MYO16: variants seen among roughly 807,000 people sequenced by gnomAD.
The protein encoded by MYO16 is unconventional myosin-XVI.
A neutral mutation model predicts 205.3 loss-of-function variants in MYO16; 94 were observed. The observed-to-expected ratio is 0.46, with a 90% CI of 0.39 to 0.54. The LOEUF is 0.54. Among genes scored for constraint, MYO16 ranks in the 20% least tolerant of loss-of-function variants. The pLI, the probability that MYO16 is intolerant of heterozygous loss-of-function variation, is 0.00. For synonymous variants in MYO16, 988 were observed against 954.0 expected (o/e 1.04, Z -0.66); for missense variants, 2,315 against 2,387.5 (o/e 0.97, Z 0.63).
chr13:109,139,719 CT>C (rs1876947863), intron 31 of MYO16, among the ~76,000 whole-genome samples: 1 of 152,152 alleles, frequency 6.6e-6, no homozygotes, highest in Admixed American at 6.5e-5. Context: ...GGGAACGTGA[CT>C]GGGGTTACAT....
chr13:108,962,299 T>C, intron 18 of MYO16, 125 bp from the exon 19 acceptor site: 1 of 698,876 alleles, frequency 1.4e-6, no homozygotes, highest in Non-Finnish European at 2.4e-6. Context: ...TGGTAATGAC[T>C]TTTTAAAATA....
rs137981122 is a variant in MYO16, at chr13:109,168,088, A to C, written c.5323+3029A>C. Among the ~76,000 whole-genome samples the C allele has an allele frequency of 3.2e-3, 480 of 152,238 alleles. 1 individual carries two copies. The highest frequency in any genetic ancestry group is 0.014 in the Middle Eastern group (4 of 294). On this transcript the variant is annotated intron_variant, in intron 33 of 34. Coordinates refer to ENST00000457511, the MANE Select transcript of MYO16 (RefSeq NM_001198950.3). ...ATATTAGTGGGGTAGATAATATCCA[A>C]ACTAGTAAAGAGAGAAAAATAAAAT...
intron 23 of MYO16, among the ~76,000 whole-genome samples, chr13:109,022,453 A>C: frequency 8.4e-6 from 1 of 119,358 alleles, no homozygotes; most frequent in South Asian, 2.4e-4. Context: ...TTTATGTTAT[A>C]TATACAATAT....
chr13:108,588,779 C>T, the MYO16 span, among the ~76,000 whole-genome samples: 1 of 152,112 alleles, frequency 6.6e-6, no homozygotes, highest in Non-Finnish European at 1.5e-5. Flanking sequence ...TCATTTTCCT[C>T]AGGTTGCATG....
chr13:108,879,150 T>C (rs1012640054), intron 12 of MYO16, among the ~76,000 whole-genome samples: 5 of 152,212 alleles, frequency 3.3e-5, no homozygotes, highest in African/African-American at 1.2e-4. Flanking sequence ...CCAATTTGAC[T>C]TCTAACAGCA....
chr13:109,058,271 C>A (rs902409029), intron 27 of MYO16, among the ~76,000 whole-genome samples: 1 of 152,034 alleles, frequency 6.6e-6, no homozygotes, highest in African/African-American at 2.4e-5. Flanking sequence ...GTGATCAAAG[C>A]AAACTTGTGG....
intron 10 of MYO16, among the ~76,000 whole-genome samples, chr13:108,855,031 A>G (rs1878094136): frequency 6.6e-6 from 1 of 152,216 alleles, no homozygotes; most frequent in Non-Finnish European, 1.5e-5. Flanking sequence ...CAATGGTAAC[A>G]TGAAAAGTTT....
At chr13:108,849,134 T>C (rs1877682150) in intron 10 of MYO16, among the ~76,000 whole-genome samples, 1 of 152,148 alleles carries the variant, frequency 6.6e-6, no homozygotes, top group African/African-American at 2.4e-5. Flanking sequence ...TGATCACCCT[T>C]TCCTAATCTG....
chr13:108,822,324 T>C (rs1225637900), intron 8 of MYO16, among the ~76,000 whole-genome samples: 1 of 152,198 alleles, frequency 6.6e-6, no homozygotes, highest in Non-Finnish European at 1.5e-5. Context: ...AAATATCTTC[T>C]TGTGGCAGCT....
intron 27 of MYO16, among the ~76,000 whole-genome samples, chr13:109,071,840 A>G (rs1813947037): frequency 1.3e-5 from 2 of 152,184 alleles, no homozygotes; most frequent in African/African-American, 4.8e-5. Flanking sequence ...TCCTAGTGAA[A>G]GATACATTTG....
intron 25 of MYO16, 28 bp downstream of exon 25, chr13:109,052,503 T>A: frequency 1.3e-6 from 2 of 1,507,754 alleles, no homozygotes; most frequent in Non-Finnish European, 1.8e-6. Context: ...TATTGTTGGA[T>A]TATTTTTAAT....
chr13:108,874,210 T>C (rs1879213450), intron 12 of MYO16, among the ~76,000 whole-genome samples: 1 of 151,712 alleles, frequency 6.6e-6, no homozygotes, highest in African/African-American at 2.4e-5. Flanking sequence ...CAGGTTTTTT[T>C]TTAAAAAGCA....
intron 9 of MYO16, among the ~76,000 whole-genome samples, chr13:108,831,677 T>A (rs1876631300): frequency 6.6e-6 from 1 of 152,152 alleles, no homozygotes; most frequent in South Asian, 2.1e-4. Flanking sequence ...CACACCCAGC[T>A]AATTTTTGTA....
At chr13:108,929,691 G>T (rs1467640719) in intron 16 of MYO16, among the ~76,000 whole-genome samples, 7 of 152,074 alleles carry the variant, frequency 4.6e-5, no homozygotes, top group African/African-American at 1.7e-4. Flanking sequence ...GGAGCACAAG[G>T]TCCTGCCTTC....
intron 21 of MYO16, among the ~76,000 whole-genome samples, chr13:109,000,961 A>T (rs931116134): frequency 6.6e-6 from 1 of 152,002 alleles, no homozygotes; most frequent in Non-Finnish European, 1.5e-5. Flanking sequence ...ACCCATCAAA[A>T]TACTAGATTT....
intron 4 of MYO16, among the ~76,000 whole-genome samples, chr13:108,770,218 T>C (rs1340880029): frequency 6.6e-6 from 1 of 152,220 alleles, no homozygotes; most frequent in East Asian, 1.9e-4. Flanking sequence ...ATTGAATGCT[T>C]ACAGCATGTC....
chr13:108,545,944 G>T, the MYO16 span, among the ~76,000 whole-genome samples: 2 of 152,312 alleles, frequency 1.3e-5, no homozygotes, highest in African/African-American at 2.4e-5. Flanking sequence ...TGAAGATTGT[G>T]GTTAGGGTCT....
chr13:108,569,114 G>A, the MYO16 span, among the ~76,000 whole-genome samples: 6 of 151,902 alleles, frequency 3.9e-5, no homozygotes, highest in African/African-American at 1.2e-4. Context: ...CAACATTGTT[G>A]TTACTTTCAA....
chr13:108,995,778 T>G (rs1884982461), intron 21 of MYO16, among the ~76,000 whole-genome samples: 1 of 152,240 alleles, frequency 6.6e-6, no homozygotes, highest in Non-Finnish European at 1.5e-5. Flanking sequence ...CTCATCATTT[T>G]TTATGGCTGC....
Sources: allele counts gnomAD v4.1 joint callset (sites outside exome capture counted in the v4.1 genomes callset), GRCh38; gene constraint gnomAD v4.1.1; transcripts MANE v1.5; gene names NCBI Gene and HGNC (gene_info 2026-07-23, HGNC 2026-07-21).